The following RFPL1 variants were observed in gnomAD, a reference collection of about 807,000 sequenced individuals.
The protein encoded by RFPL1 is ret finger protein like 1, also known as ret finger protein-like 1.
Under a neutral mutation model 9.6 loss-of-function variants are expected in RFPL1, and 6 were observed. The ratio of observed to expected loss-of-function variants is 0.62; its 90% CI spans 0.34 to 1.23. The LOEUF (loss-of-function observed/expected upper bound fraction) is 1.23. Ranked by LOEUF, RFPL1 falls within the 50% of genes most tolerant of loss-of-function variation. RFPL1 has a pLI of 0.03. For missense variants in RFPL1, 352 were observed against 398.4 expected (o/e 0.88, Z 0.99); for synonymous variants, 145 against 149.4 (o/e 0.97, Z 0.22).
chr22:29,396,028 GAGAAGAGAAGAGAA>G, the RFPL1 span, among the ~76,000 whole-genome samples: 4 of 151,918 alleles, frequency 2.6e-5, no homozygotes, highest in Non-Finnish European at 2.9e-5. Flanking sequence ...GAAAAGAGAA[GAGAAGAGAAGAGAA>G]AGAAGAGAAG....
At chr22:29,408,917 C>A in the RFPL1 span, among the ~76,000 whole-genome samples, 1 of 152,060 alleles carries the variant, frequency 6.6e-6, no homozygotes, top group Non-Finnish European at 1.5e-5. Flanking sequence ...GGGCCAGTGA[C>A]TTGATCACTG....
At chr22:29,420,506 T>C in the RFPL1 span, among the ~76,000 whole-genome samples, 4 of 152,150 alleles carry the variant, frequency 2.6e-5, no homozygotes, top group South Asian at 8.3e-4. Context: ...AATTTTTGTA[T>C]TTTTAGTAGA....
chr22:29,388,697 G>C, the RFPL1 span: 2 of 152,294 alleles, frequency 1.3e-5, no homozygotes, highest in African/African-American at 4.8e-5. Flanking sequence ...TTAACCCCTC[G>C]GCAGCCGCGG....
chr22:29,419,486 A>C, the RFPL1 span, among the ~76,000 whole-genome samples: 1 of 151,982 alleles, frequency 6.6e-6, no homozygotes, highest in African/African-American at 2.4e-5. Flanking sequence ...GCAGTCGCTC[A>C]CACCTGTAAT....
In RFPL1 at chr22:29,439,213, AATC is replaced by A. The variant is rs770554885; in HGVS notation, c.373+53_373+55del. 7.0e-6 allele frequency: 11 copies of A among 1,573,018 alleles called. 1 individual carries two copies. The highest frequency in any genetic ancestry group is 1.2e-5 in the South Asian group (1 of 83,854). On this transcript the variant is annotated intron_variant, in intron 1 of 1. Coordinates refer to ENST00000354373, the Ensembl canonical transcript of RFPL1. Reference sequence around the variant, plus strand: ...CCCTTCCTACGACCAGACCAGGAAAAATCATCTGTGCAACTGGCCCCTCATTCC... The same window carrying A: ...CCCTTCCTACGACCAGACCAGGAAAAATCTGTGCAACTGGCCCCTCATTCC...
At chr22:29,413,939 T>C in the RFPL1 span, among the ~76,000 whole-genome samples, 1 of 152,238 alleles carries the variant, frequency 6.6e-6, no homozygotes, top group Non-Finnish European at 1.5e-5. Context: ...CATATTCTTA[T>C]GCTTCCTTAT....
the RFPL1 span, among the ~76,000 whole-genome samples, chr22:29,391,768 C>A: frequency 1.3e-4 from 20 of 152,194 alleles, no homozygotes; most frequent in African/African-American, 4.8e-4. Context: ...GAAAACCTCA[C>A]GGGCCCACCC....
chr22:29,419,698 G>A, the RFPL1 span, among the ~76,000 whole-genome samples: 3 of 151,526 alleles, frequency 2.0e-5, no homozygotes, highest in Non-Finnish European at 4.4e-5. Flanking sequence ...AGCTACTCGG[G>A]AGGCTGAGGC....
At chr22:29,420,380 G>A in the RFPL1 span, among the ~76,000 whole-genome samples, 9 of 152,184 alleles carry the variant, frequency 5.9e-5, no homozygotes, top group Non-Finnish European at 1.3e-4. Flanking sequence ...ACCCAGGCTG[G>A]AGTGCAGTGG....
chr22:29,398,188 C>A, the RFPL1 span, among the ~76,000 whole-genome samples: 2 of 152,200 alleles, frequency 1.3e-5, no homozygotes, highest in African/African-American at 4.8e-5. Context: ...GCCTCAGCCT[C>A]ATGAAGATCT....
upstream of RFPL1, chr22:29,434,420 C>T (rs2062799202): frequency 1.9e-5 from 3 of 155,558 alleles, no homozygotes; most frequent in South Asian, 2.0e-4. Context: ...TGCTGATTTA[C>T]CTTTTTTCTT....
chr22:29,407,967 C>G, the RFPL1 span, among the ~76,000 whole-genome samples: 3 of 152,304 alleles, frequency 2.0e-5, no homozygotes, highest in East Asian at 5.8e-4. Flanking sequence ...CAAGTTGAAG[C>G]TAAGATTATG....
the RFPL1 span, among the ~76,000 whole-genome samples, chr22:29,411,476 GAACTCTTTCT>G: frequency 3.3e-5 from 5 of 152,158 alleles, no homozygotes; most frequent in African/African-American, 1.2e-4. Context: ...CACCTATTGT[GAACTCTTTCT>G]GCCCTAGTAG....
At chr22:29,437,953 ATTTT>A (rs3044138), upstream of RFPL1, 254 of 263,866 alleles carry the variant, frequency 9.6e-4, no homozygotes, top group Middle Eastern at 2.4e-3. Context: ...GAAGGATGTG[ATTTT>A]TTTTTTTTTT....
chr22:29,416,477 C>T, the RFPL1 span, among the ~76,000 whole-genome samples: 1 of 152,200 alleles, frequency 6.6e-6, no homozygotes, highest in Non-Finnish European at 1.5e-5. Flanking sequence ...AACTGAAACT[C>T]ACTTCCCAGG....
chr22:29,427,070 G>A, the RFPL1 span, among the ~76,000 whole-genome samples: 4 of 152,352 alleles, frequency 2.6e-5, no homozygotes, highest in East Asian at 7.7e-4. Flanking sequence ...TGGGGTTGGG[G>A]TGGCTGTGAT....
At chr22:29,390,659 G>C in the RFPL1 span, among the ~76,000 whole-genome samples, 5 of 151,340 alleles carry the variant, frequency 3.3e-5, no homozygotes, top group African/African-American at 9.7e-5. Context: ...TCAGTGGCTC[G>C]ATCTCGGCTC....
At chr22:29,400,624 G>A in the RFPL1 span, among the ~76,000 whole-genome samples, 1 of 152,120 alleles carries the variant, frequency 6.6e-6, no homozygotes, top group Non-Finnish European at 1.5e-5. Context: ...TTATGGGGGG[G>A]GAATGAAAGC....
At chr22:29,402,625 T>C in the RFPL1 span, among the ~76,000 whole-genome samples, 1 of 151,802 alleles carries the variant, frequency 6.6e-6, no homozygotes, top group Admixed American at 6.6e-5. Context: ...CTAACACTTG[T>C]AAGACAGGAG....
Sources: allele counts gnomAD v4.1 joint callset (sites outside exome capture counted in the v4.1 genomes callset), GRCh38; gene constraint gnomAD v4.1.1; transcripts MANE v1.5; gene names NCBI Gene and HGNC (gene_info 2026-07-23, HGNC 2026-07-21).